The following PTPRT variants were observed in gnomAD, a reference collection of about 807,000 sequenced individuals.
The protein encoded by PTPRT is protein tyrosine phosphatase receptor type T.
In PTPRT, 56 loss-of-function variants were observed where a neutral mutation model predicts 176.8. The ratio of observed to expected loss-of-function variants is 0.32; its 90% CI spans 0.26 to 0.40. The LOEUF is 0.40. PTPRT is among the 10% of genes least tolerant of loss of function. The pLI is 1.00. For missense variants in PTPRT, 1,540 were observed against 1,908.2 expected, an observed-to-expected ratio of 0.81 and a Z score of 3.60; for synonymous variants, 783 against 739.0, an observed-to-expected ratio of 1.06 and a Z score of -0.96.
intron 7 of PTPRT, among the ~76,000 whole-genome samples, chr20:42,631,770 A>G (rs2074412067): frequency 6.6e-6 from 1 of 152,172 alleles, no homozygotes; most frequent in Non-Finnish European, 1.5e-5. Context: ...TAAATGAATG[A>G]ATGAATGAAT....
intron 1 of PTPRT, among the ~76,000 whole-genome samples, chr20:43,114,479 A>G (rs1478872183): frequency 6.6e-6 from 1 of 152,224 alleles, no homozygotes; most frequent in African/African-American, 2.4e-5. Flanking sequence ...TAATATATCT[A>G]AAGTCCCTGG....
chr20:42,325,560 T>C (rs1331860095), intron 11 of PTPRT, among the ~76,000 whole-genome samples: 1 of 152,200 alleles, frequency 6.6e-6, no homozygotes. Context: ...ATATTGAGAA[T>C]CTGACTGCTT....
chr20:42,309,819 A>T (rs2145348326), intron 12 of PTPRT, among the ~76,000 whole-genome samples: 1 of 152,298 alleles, frequency 6.6e-6, no homozygotes, highest in Admixed American at 6.5e-5. Context: ...AAAAACCCAA[A>T]CACACCAACC....
chr20:42,284,402 C>A (rs2057193344), intron 12 of PTPRT, among the ~76,000 whole-genome samples: 1 of 152,144 alleles, frequency 6.6e-6, no homozygotes, highest in East Asian at 1.9e-4. Context: ...TTTCCATCTT[C>A]TTCAACTGAT....
At chr20:42,381,384 C>T (rs1264326961) in intron 9 of PTPRT, among the ~76,000 whole-genome samples, 2 of 152,208 alleles carry the variant, frequency 1.3e-5, no homozygotes, top group Admixed American at 6.5e-5. Context: ...TATTTTCCCT[C>T]TGACATGATG....
intron 1 of PTPRT, among the ~76,000 whole-genome samples, chr20:43,133,306 C>T (rs1451260771): frequency 6.6e-6 from 1 of 152,130 alleles, no homozygotes; most frequent in African/African-American, 2.4e-5. Flanking sequence ...GACTACATTT[C>T]AGGGTAAGAA....
At position 42,424,377 on chromosome 20, in the gene PTPRT, T is replaced by C. The variant is rs925368955; in HGVS notation, c.1560+23843A>G. ...ATTGTTATCCTAGGACCCATATGGG[T>C]CAGGCTGTAAGTTTCCTACCAGTGG... On this transcript the variant is annotated intron_variant, in intron 9 of 30. Transcript: ENST00000373187. Among the ~76,000 whole-genome samples the C allele has an allele frequency of 1.3e-4, 20 of 152,216 alleles. 2 individuals are homozygous for C. Among genetic ancestry groups the C allele is most frequent in the Admixed American group, 9.8e-4 (15 of 15,292 alleles).
intron 1 of PTPRT, among the ~76,000 whole-genome samples, chr20:43,161,352 G>A (rs1257518893): frequency 6.6e-6 from 1 of 152,016 alleles, no homozygotes; most frequent in Non-Finnish European, 1.5e-5. Context: ...TGACATGAAG[G>A]AGAAAGAGCT....
At chr20:42,588,736 G>A (rs943604406) in intron 7 of PTPRT, among the ~76,000 whole-genome samples, 1 of 152,114 alleles carries the variant, frequency 6.6e-6, no homozygotes, top group Admixed American at 6.5e-5. Context: ...AGGTCCAGAG[G>A]TCTGGGAAGA....
intron 1 of PTPRT, among the ~76,000 whole-genome samples, chr20:42,983,280 A>C (rs1983380296): frequency 6.6e-6 from 1 of 152,138 alleles, no homozygotes; most frequent in Non-Finnish European, 1.5e-5. Context: ...ATGCCCTACA[A>C]CTCCAAGGTT....
chr20:42,308,863 G>T (rs1234119785), intron 12 of PTPRT, among the ~76,000 whole-genome samples: 2 of 152,176 alleles, frequency 1.3e-5, no homozygotes, highest in Non-Finnish European at 2.9e-5. Context: ...CAGAGACACA[G>T]AATTTTCCCT....
At chr20:42,713,483 T>G (rs2076176807) in intron 6 of PTPRT, among the ~76,000 whole-genome samples, 1 of 152,212 alleles carries the variant, frequency 6.6e-6, no homozygotes, top group South Asian at 2.1e-4. Context: ...CTATTCCCAG[T>G]ATACATTGTA....
chr20:42,246,390 T>G (rs1334764616), intron 14 of PTPRT, among the ~76,000 whole-genome samples: 2 of 152,144 alleles, frequency 1.3e-5, no homozygotes, highest in African/African-American at 4.8e-5. Context: ...AAAGATGCCA[T>G]ATATGTAAAC....
chr20:42,136,876 T>C (rs370292775), intron 18 of PTPRT, among the ~76,000 whole-genome samples: 7 of 152,178 alleles, frequency 4.6e-5, no homozygotes, highest in Non-Finnish European at 8.8e-5. Flanking sequence ...GTTGCCATTG[T>C]AGCAAGTTGA....
intron 11 of PTPRT, among the ~76,000 whole-genome samples, chr20:42,334,262 G>T (rs1011661627): frequency 2.0e-5 from 3 of 152,088 alleles, no homozygotes; most frequent in African/African-American, 4.8e-5. Context: ...CAGGATCCCT[G>T]ACCCCCACTC....
intron 17 of PTPRT, among the ~76,000 whole-genome samples, chr20:42,155,753 AGGC>A (rs1378144321): frequency 6.6e-6 from 1 of 152,042 alleles, no homozygotes; most frequent in East Asian, 1.9e-4. Flanking sequence ...AAAAGTGCGT[AGGC>A]TTGTCTGGGC....
intron 11 of PTPRT, among the ~76,000 whole-genome samples, chr20:42,329,009 C>A (rs2057925802): frequency 6.6e-6 from 1 of 151,850 alleles, no homozygotes. Context: ...CCCTAAATAC[C>A]AGCAAAAACC....
At chr20:42,552,999 C>T (rs1341587887) in intron 7 of PTPRT, among the ~76,000 whole-genome samples, 1 of 152,076 alleles carries the variant, frequency 6.6e-6, no homozygotes, top group Non-Finnish European at 1.5e-5. Flanking sequence ...TAGAGGTCAG[C>T]CTGGCCCTTT....
At chr20:42,160,775 T>C (rs1989561220) in intron 17 of PTPRT, among the ~76,000 whole-genome samples, 1 of 152,096 alleles carries the variant, frequency 6.6e-6, no homozygotes, top group Non-Finnish European at 1.5e-5. Flanking sequence ...TTTGGGGAGA[T>C]GGGAAAGGGA....
Sources: gnomAD v4.1 joint callset for allele counts (sites outside exome capture counted in the v4.1 genomes callset) on GRCh38, gnomAD v4.1.1 for gene constraint, MANE v1.5 for transcripts, NCBI Gene and HGNC (gene_info 2026-07-23, HGNC 2026-07-21) for gene names.